TMEM132C: variants seen among roughly 807,000 people sequenced by gnomAD.
TMEM132C encodes the protein protein phosphatase 1, regulatory subunit 152.
Under a neutral mutation model 61.4 loss-of-function variants are expected in TMEM132C, and 29 were observed. That is an observed-to-expected ratio of 0.47 (90% confidence interval 0.35 to 0.64). The LOEUF (loss-of-function observed/expected upper bound fraction) is 0.64. TMEM132C is among the 30% of genes least tolerant of loss of function. The probability of loss-of-function intolerance (pLI) is 0.00; values close to 1 mark genes in which losing one functional copy is unlikely to be tolerated. For missense variants in TMEM132C, 1,408 were observed against 1,476.9 expected, an observed-to-expected ratio of 0.95 and a Z score of 0.76; for synonymous variants, 656 against 633.1, an observed-to-expected ratio of 1.04 and a Z score of -0.54.
intron 3 of TMEM132C, among the ~76,000 whole-genome samples, chr12:128,584,162 T>C (rs1309423664): frequency 1.3e-5 from 2 of 152,218 alleles, no homozygotes; most frequent in Non-Finnish European, 2.9e-5. Context: ...ATGGTTTTAG[T>C]TCTCAGTCAC....
intron 5 of TMEM132C, among the ~76,000 whole-genome samples, chr12:128,685,595 A>G (rs1311034740): frequency 7.3e-6 from 1 of 137,364 alleles, no homozygotes; most frequent in Non-Finnish European, 1.6e-5. Flanking sequence ...GACTGGTCCA[A>G]GCATGGCTGT....
At chr12:128,419,527 G>A (rs1191866051) in intron 2 of TMEM132C, among the ~76,000 whole-genome samples, 2 of 150,056 alleles carry the variant, frequency 1.3e-5, no homozygotes, top group African/African-American at 4.9e-5. Flanking sequence ...GAAAAGTCTT[G>A]TTCTCTGCTA....
intron 3 of TMEM132C, among the ~76,000 whole-genome samples, chr12:128,609,374 C>T (rs1305131713): frequency 6.6e-6 from 1 of 151,118 alleles, no homozygotes; most frequent in African/African-American, 2.4e-5. Flanking sequence ...AAGTAGCTGG[C>T]ACCACAGACT....
intron 3 of TMEM132C, among the ~76,000 whole-genome samples, chr12:128,612,264 C>T (rs1407881742): frequency 6.6e-6 from 1 of 152,202 alleles, no homozygotes; most frequent in Non-Finnish European, 1.5e-5. Flanking sequence ...TCTCCAACTC[C>T]CTGAAAGACG....
At chr12:128,626,796 C>A (rs1017337595) in intron 4 of TMEM132C, among the ~76,000 whole-genome samples, 1 of 152,206 alleles carries the variant, frequency 6.6e-6, no homozygotes, top group Non-Finnish European at 1.5e-5. Context: ...ACATATCTTA[C>A]TGCATGCCTT....
At chr12:128,474,094 T>A (rs573596860) in intron 2 of TMEM132C, among the ~76,000 whole-genome samples, 79 of 152,332 alleles carry the variant, frequency 5.2e-4, no homozygotes, top group Non-Finnish European at 8.8e-4. Context: ...ACCATGGTTC[T>A]TAAACTCGAG....
At chr12:128,547,456 C>T (rs956477681) in intron 3 of TMEM132C, among the ~76,000 whole-genome samples, 25 of 149,880 alleles carry the variant, frequency 1.7e-4, no homozygotes, top group African/African-American at 5.6e-4. Context: ...CCCAGCTACT[C>T]GGGAGGCTGA....
chr12:128,560,124 G>A (rs1340303233), intron 3 of TMEM132C, among the ~76,000 whole-genome samples: 31 of 152,238 alleles, frequency 2.0e-4, no homozygotes, highest in Non-Finnish European at 3.2e-4. Context: ...GCACATGCCT[G>A]TAGTCCCAGC....
In TMEM132C at chr12:128,412,746, G is replaced by A. The variant is rs1868604810; in HGVS notation, c.86-1986G>A. Among the ~76,000 whole-genome samples the A allele has an allele frequency of 3.3e-5, 5 of 152,236 alleles. No homozygotes were observed. In the South Asian group the frequency reaches 1.0e-3, roughly 32 times the overall value. Reference sequence around the variant, plus strand: ...TCTTTTTTAAATTACCCAGTCTGGGGTATGTCTTTATTAGCAGTGTGAAAA... The same window carrying A: ...TCTTTTTTAAATTACCCAGTCTGGGATATGTCTTTATTAGCAGTGTGAAAA... On this transcript the variant is annotated intron_variant, in intron 1 of 8. Coordinates refer to ENST00000435159, the MANE Select transcript of TMEM132C (RefSeq NM_001136103.3).
chr12:128,548,845 C>G (rs778632887), intron 3 of TMEM132C, among the ~76,000 whole-genome samples: 4 of 152,154 alleles, frequency 2.6e-5, no homozygotes, highest in Non-Finnish European at 4.4e-5. Context: ...TAACTATTTA[C>G]ATAGCATTTA....
At chr12:128,455,610 A>G (rs1870313209) in intron 2 of TMEM132C, among the ~76,000 whole-genome samples, 1 of 152,234 alleles carries the variant, frequency 6.6e-6, no homozygotes, top group South Asian at 2.1e-4. Flanking sequence ...ATTTTCCACT[A>G]CAAGTCATTT....
chr12:128,298,380 A>G (rs1427613019), intron 1 of TMEM132C, among the ~76,000 whole-genome samples: 2 of 136,228 alleles, frequency 1.5e-5, no homozygotes, highest in Non-Finnish European at 3.3e-5. Flanking sequence ...CTACAGGGCA[A>G]TTGTTATGTT....
intron 3 of TMEM132C, among the ~76,000 whole-genome samples, chr12:128,601,549 C>A (rs1310595673): frequency 6.6e-6 from 1 of 152,170 alleles, no homozygotes; most frequent in Non-Finnish European, 1.5e-5. Flanking sequence ...CCAAGTGAGT[C>A]CCGTGTAACC....
At chr12:128,655,773 A>G (rs1458215011) in intron 4 of TMEM132C, among the ~76,000 whole-genome samples, 1 of 152,096 alleles carries the variant, frequency 6.6e-6, no homozygotes, top group Non-Finnish European at 1.5e-5. Flanking sequence ...CATCATTGCC[A>G]GGGACTTGAC....
At chr12:128,561,118 C>A (rs1874502884) in intron 3 of TMEM132C, among the ~76,000 whole-genome samples, 1 of 152,224 alleles carries the variant, frequency 6.6e-6, no homozygotes, top group African/African-American at 2.4e-5. Flanking sequence ...CTCTCAACAG[C>A]TGTGATAAAG....
At chr12:128,664,048 G>T (rs531992322) in intron 4 of TMEM132C, among the ~76,000 whole-genome samples, 1 of 92,030 alleles carries the variant, frequency 1.1e-5, no homozygotes, top group African/African-American at 4.1e-5. Flanking sequence ...ACGCACGCAC[G>T]CGGGCACTCA....
At chr12:128,566,656 T>C (rs1289330024) in intron 3 of TMEM132C, among the ~76,000 whole-genome samples, 1 of 152,184 alleles carries the variant, frequency 6.6e-6, no homozygotes, top group African/African-American at 2.4e-5. Context: ...ATTGATCTCT[T>C]TGATTGAATC....
chr12:128,313,576 C>G (rs906802723), intron 1 of TMEM132C, among the ~76,000 whole-genome samples: 2 of 152,216 alleles, frequency 1.3e-5, no homozygotes, highest in Non-Finnish European at 2.9e-5. Context: ...CTGGCCCAAA[C>G]AGCAGCAGAA....
At chr12:128,699,144 T>C (rs1185618772) in intron 8 of TMEM132C, among the ~76,000 whole-genome samples, 1 of 151,968 alleles carries the variant, frequency 6.6e-6, no homozygotes, top group East Asian at 1.9e-4. Flanking sequence ...GCAAAATCCA[T>C]GTGGCTGCTT....
Sources: allele counts gnomAD v4.1 joint callset (sites outside exome capture counted in the v4.1 genomes callset), GRCh38; gene constraint gnomAD v4.1.1; transcripts MANE v1.5; gene names NCBI Gene and HGNC (gene_info 2026-07-23, HGNC 2026-07-21).